The following ARHGAP6 variants were observed in gnomAD, a reference collection of about 807,000 sequenced individuals.
The protein encoded by ARHGAP6 is rho GTPase-activating protein 6.
Under a neutral mutation model 55.7 loss-of-function variants are expected in ARHGAP6, and 16 were observed. The ratio of observed to expected loss-of-function variants is 0.29; its 90% CI spans 0.19 to 0.44. The LOEUF is 0.44. Among genes scored for constraint, ARHGAP6 ranks in the 20% least tolerant of loss-of-function variants. The pLI, the probability that ARHGAP6 is intolerant of heterozygous loss-of-function variation, is 1.00. For missense variants in ARHGAP6, 698 were observed against 808.9 expected, an observed-to-expected ratio of 0.86 and a Z score of 1.66; for synonymous variants, 382 against 360.9, an observed-to-expected ratio of 1.06 and a Z score of -0.66.
intron 3 of ARHGAP6, among the ~76,000 whole-genome samples, chrX:11,192,658 G>A (rs1305745894): frequency 1.8e-5 from 2 of 111,952 alleles, no homozygotes; most frequent in Non-Finnish European, 1.9e-5. Context: ...TACATACCTA[G>A]ACAGTGAGGA....
chrX:11,624,520 A>G (rs1172834533), intron 1 of ARHGAP6, among the ~76,000 whole-genome samples: 1 of 113,133 alleles, frequency 8.8e-6, no homozygotes, highest in African/African-American at 3.2e-5. Flanking sequence ...AAACAACTCA[A>G]TAGCAAATAA....
rs1042230447 is a variant in ARHGAP6 at position 11,162,949 on chromosome X, T to C, written c.1810-6323A>G. Among the ~76,000 whole-genome samples the C allele has an allele frequency of 2.7e-5, 3 of 112,101 alleles. No homozygotes were observed. The East Asian group carries it at 8.4e-4, about 31-fold the overall frequency. On this transcript the variant is annotated intron_variant, in intron 9 of 12. Coordinates refer to ENST00000337414, the MANE Select transcript of ARHGAP6 (RefSeq NM_013427.3). ...GCAAAATGGGAACTAAGGAGAAGGG[T>C]AGTGAAAGACATATTACATTTTTTA... is the stretch of plus-strand genomic sequence containing the variant.
At chrX:11,401,218 C>A (rs2049544686) in intron 1 of ARHGAP6, among the ~76,000 whole-genome samples, 1 of 111,073 alleles carries the variant, frequency 9.0e-6, no homozygotes, top group African/African-American at 3.3e-5. Flanking sequence ...GCCTCCCGCC[C>A]AATGAACAAA....
chrX:11,384,468 C>T (rs1161198060), intron 1 of ARHGAP6, among the ~76,000 whole-genome samples: 1 of 112,137 alleles, frequency 8.9e-6, no homozygotes. Flanking sequence ...TCAAAAACAA[C>T]AAATAACATA....
chrX:11,160,312 T>C (rs2045925434), intron 9 of ARHGAP6, among the ~76,000 whole-genome samples: 1 of 107,258 alleles, frequency 9.3e-6, no homozygotes, highest in Non-Finnish European at 1.9e-5. Context: ...AAAAAATTAG[T>C]CGGGCGTGGT....
intron 2 of ARHGAP6, among the ~76,000 whole-genome samples, chrX:11,200,061 C>G (rs1279923403): frequency 8.9e-6 from 1 of 112,465 alleles, no homozygotes; most frequent in African/African-American, 3.2e-5. Context: ...CCATACAGAA[C>G]AGTTTATGTT....
At chrX:11,354,925 G>A (rs1025081541) in intron 1 of ARHGAP6, among the ~76,000 whole-genome samples, 4 of 110,723 alleles carry the variant, frequency 3.6e-5, no homozygotes, top group Non-Finnish European at 7.6e-5. Context: ...GAGAGAATTG[G>A]GGTTTTAAAA....
chrX:11,209,912 T>A (rs1457470379), intron 2 of ARHGAP6, among the ~76,000 whole-genome samples: 1 of 112,085 alleles, frequency 8.9e-6, no homozygotes, highest in Non-Finnish European at 1.9e-5. Context: ...AGGAAACCAG[T>A]TGACTTTTTT....
At chrX:11,476,009 G>C (rs2050400598) in intron 1 of ARHGAP6, among the ~76,000 whole-genome samples, 1 of 111,053 alleles carries the variant, frequency 9.0e-6, no homozygotes, top group South Asian at 3.7e-4. Context: ...GCCACAGAGA[G>C]ATTGAATAAG....
chrX:11,144,250 T>A lies in ARHGAP6; in HGVS notation c.1908-2A>T, dbSNP rs2045659348. 2 of 1,211,312 alleles carry A rather than the reference T, an allele frequency of 1.7e-6. No individual in the cohort carries two copies. Among genetic ancestry groups the A allele is most frequent in the Non-Finnish European group, 1.1e-6 (1 of 895,470 alleles). On this transcript the variant is annotated splice_acceptor_variant, in intron 10 of 12. Coordinates refer to ENST00000337414, the MANE Select transcript of ARHGAP6 (RefSeq NM_013427.3). LOFTEE classifies it high-confidence loss of function. ...TCCGACTGCAGCATGTCAGGGCTTC[T>A]GGCACAATGAGACAATTACAGGTGC...
chrX:11,577,319 T>A (rs1293274737), intron 1 of ARHGAP6, among the ~76,000 whole-genome samples: 1 of 111,961 alleles, frequency 8.9e-6, no homozygotes, highest in Non-Finnish European at 1.9e-5. Flanking sequence ...GAGTTCACAA[T>A]ACAGTTATCA....
At position 11,298,965 on chromosome X, in the gene ARHGAP6, G is replaced by A. The variant is rs750270295; in HGVS notation, c.589-44258C>T. 11 of 1,207,933 alleles carry A rather than the reference G, an allele frequency of 9.1e-6. No homozygotes were observed. In the African/African-American group the frequency reaches 1.9e-4, roughly 21 times the overall value. ...GCCATCAACAGACAAGACCAAGCGG[G>A]AGGAAGTGGTGAGTATATTTTGAAG... On this transcript the variant is annotated intron_variant, in intron 1 of 12. Coordinates refer to ENST00000337414, the MANE Select transcript of ARHGAP6 (RefSeq NM_013427.3).
At chrX:11,331,416 A>G in intron 1 of ARHGAP6, among the ~76,000 whole-genome samples, 1 of 112,115 alleles carries the variant, frequency 8.9e-6, no homozygotes, top group Non-Finnish European at 1.9e-5. Context: ...CCTGTATGTT[A>G]GGTATTCATT....
At chrX:11,624,285 C>G (rs979898707) in intron 1 of ARHGAP6, among the ~76,000 whole-genome samples, 3 of 112,466 alleles carry the variant, frequency 2.7e-5, no homozygotes, top group Non-Finnish European at 5.6e-5. Context: ...AAGAAAACAA[C>G]AGGGCAAATG....
chrX:11,489,927 T>C (rs750958540), intron 1 of ARHGAP6, among the ~76,000 whole-genome samples: 1 of 111,078 alleles, frequency 9.0e-6, no homozygotes, highest in Non-Finnish European at 1.9e-5. Context: ...TCAGGAAGCA[T>C]GTGAGAACCA....
At chrX:11,270,024 T>C (rs939940016) in intron 1 of ARHGAP6, among the ~76,000 whole-genome samples, 1 of 111,918 alleles carries the variant, frequency 8.9e-6, no homozygotes, top group Non-Finnish European at 1.9e-5. Flanking sequence ...ATTTACTGAG[T>C]ACTTATTGTC....
chrX:11,288,130 C>T (rs767228551), intron 1 of ARHGAP6, among the ~76,000 whole-genome samples: 96 of 112,857 alleles, frequency 8.5e-4, no homozygotes, highest in Non-Finnish European at 2.4e-4. Flanking sequence ...TAGGCTTTCT[C>T]TTCTGCTGTC....
intron 1 of ARHGAP6, among the ~76,000 whole-genome samples, chrX:11,371,452 A>G (rs1458302704): frequency 8.9e-6 from 1 of 112,429 alleles, no homozygotes; most frequent in East Asian, 2.8e-4. Context: ...CTAAAAGACC[A>G]TGCTACTTTA....
At chrX:11,559,965 A>AAT (rs1473901554) in intron 1 of ARHGAP6, among the ~76,000 whole-genome samples, 1 of 78,265 alleles carries the variant, frequency 1.3e-5, no homozygotes, top group Non-Finnish European at 2.5e-5. Context: ...ATAATAATAA[A>AAT]GTAGGAATTC....
Sources: allele counts gnomAD v4.1 joint callset (sites outside exome capture counted in the v4.1 genomes callset), GRCh38; gene constraint gnomAD v4.1.1; transcripts MANE v1.5; gene names NCBI Gene and HGNC (gene_info 2026-07-23, HGNC 2026-07-21).